SRRM4: variants seen among roughly 807,000 people sequenced by gnomAD.
The protein encoded by SRRM4 is serine/arginine repetitive matrix 4.
SRRM4 carries 33 observed loss-of-function variants against 68.9 expected under a neutral mutation model. The ratio of observed to expected loss-of-function variants is 0.48; its 90% confidence interval spans 0.36 to 0.64. SRRM4 has a LOEUF of 0.64. SRRM4 is among the 30% of genes least tolerant of loss of function. The pLI is 0.00. For missense variants in SRRM4, 817 were observed against 827.1 expected, an observed-to-expected ratio of 0.99 and a Z score of 0.15; for synonymous variants, 318 against 318.8, an observed-to-expected ratio of 1.00 and a Z score of 0.03.
At chr12:119,088,099 A>G (rs4766925) in intron 1 of SRRM4, among the ~76,000 whole-genome samples, 9,379 of 152,260 alleles carry the variant, frequency 0.062, 342 homozygotes, top group East Asian at 0.12. Context: ...GCCTTTGAAC[A>G]TAATTGCTGT....
At chr12:119,132,092 C>T (rs1391213699) in intron 8 of SRRM4, among the ~76,000 whole-genome samples, 1 of 152,204 alleles carries the variant, frequency 6.6e-6, no homozygotes, top group Non-Finnish European at 1.5e-5. Context: ...CTCTGCCTAC[C>T]TGGAACCATC....
At chr12:119,114,447 T>A in intron 3 of SRRM4, 83 bp downstream of exon 3, 1 of 1,154,194 alleles carries the variant, frequency 8.7e-7, no homozygotes, top group South Asian at 1.3e-5. Flanking sequence ...AGTGGCTCCC[T>A]CTTGGGTTCA....
intron 8 of SRRM4, chr12:119,132,449 T>C (rs1436000977): frequency 6.6e-6 from 1 of 152,134 alleles, no homozygotes; most frequent in Non-Finnish European, 1.5e-5. Context: ...GTCATGGTAT[T>C]TGTGGTGGTC....
chr12:119,054,810 G>A (rs1230669329), intron 1 of SRRM4, among the ~76,000 whole-genome samples: 1 of 152,202 alleles, frequency 6.6e-6, no homozygotes, highest in Non-Finnish European at 1.5e-5. Flanking sequence ...GGTGGCAAGA[G>A]TGCTACCAGA....
At chr12:119,132,614 AC>A in intron 8 of SRRM4, among the ~76,000 whole-genome samples, 1 of 152,324 alleles carries the variant, frequency 6.6e-6, no homozygotes, top group African/African-American at 2.4e-5. Flanking sequence ...TGGGGAGGTT[AC>A]CAGATTGGCT....
chr12:119,130,853 C>T lies in SRRM4; in HGVS notation c.771+19C>T. 1.3e-6 allele frequency: 2 copies of T among 1,597,932 alleles called. No individual in the cohort carries two copies. Among genetic ancestry groups the T allele is most frequent in the Non-Finnish European group, 8.5e-7 (1 of 1,177,922 alleles). On this transcript the variant is annotated intron_variant, in intron 8 of 12. Coordinates refer to ENST00000267260, the MANE Select transcript of SRRM4 (RefSeq NM_194286.4). ...GGGTGTAGTAAGTATTCTTCACAGC[C>T]TCCTCTGCCAGCCTTGGCCACGACA...
At chr12:119,128,241 C>T (rs1049810989) in intron 7 of SRRM4, among the ~76,000 whole-genome samples, 13 of 152,232 alleles carry the variant, frequency 8.5e-5, no homozygotes, top group African/African-American at 1.9e-4. Flanking sequence ...ATGAGAACAC[C>T]GCAAAACACA....
At position 119,156,660 on chromosome 12, in the gene SRRM4, GAGC is replaced by G; in HGVS notation, c.1705_1707del (p.Ser572del). Reference sequence around the variant, plus strand: ...GCCGGAGACGGAGCCGGACCCGCACGAGCAGCAGCTCTAGCTCCCGCAGCCCTA... The same window carrying G: ...GCCGGAGACGGAGCCGGACCCGCACGAGCAGCTCTAGCTCCCGCAGCCCTA... On this transcript the variant is annotated inframe_deletion, in exon 13 of 13. Coordinates refer to ENST00000267260, the MANE Select transcript of SRRM4 (RefSeq NM_194286.4). 1 of 1,572,874 alleles carries G rather than the reference GAGC, an allele frequency of 6.4e-7. No homozygotes were observed. Among genetic ancestry groups the G allele is most frequent in the Non-Finnish European group, 8.6e-7 (1 of 1,161,130 alleles).
rs1565922922 is a variant in SRRM4 at position 119,161,436 on chromosome 12, T to C, written c.*4638T>C. On this transcript the variant is annotated 3_prime_UTR_variant, in exon 13 of 13. Coordinates refer to ENST00000267260, the MANE Select transcript of SRRM4 (RefSeq NM_194286.4). ...CAATGATACTGACAGAAATGTCATCTCTCTTCTATCTGTGGTTGCTGTTTT... is the reference window on the plus strand; with the variant it reads ...CAATGATACTGACAGAAATGTCATCCCTCTTCTATCTGTGGTTGCTGTTTT... The C allele has an allele frequency of 1.3e-5, 2 of 152,244 alleles. No homozygotes were observed. The highest frequency in any genetic ancestry group is 2.9e-5 in the Non-Finnish European group (2 of 68,058). 9.4% of individuals were successfully genotyped at this position (152,244 alleles called of 1,614,324 possible).
At chr12:119,016,002 G>T (rs1314919654) in intron 1 of SRRM4, among the ~76,000 whole-genome samples, 1 of 151,942 alleles carries the variant, frequency 6.6e-6, no homozygotes, top group Non-Finnish European at 1.5e-5. Context: ...GATGTCATTA[G>T]TTAAGATGAG....
chr12:119,030,542 T>C (rs1023687302), intron 1 of SRRM4, among the ~76,000 whole-genome samples: 5 of 152,150 alleles, frequency 3.3e-5, no homozygotes, highest in Non-Finnish European at 7.3e-5. Context: ...AAAAAGAATA[T>C]AAAAATCACC....
At chr12:119,014,968 G>A (rs1953472180) in intron 1 of SRRM4, among the ~76,000 whole-genome samples, 1 of 152,190 alleles carries the variant, frequency 6.6e-6, no homozygotes, top group African/African-American at 2.4e-5. Flanking sequence ...CAGCATTGCT[G>A]TAATTGTGAG....
chr12:119,059,209 G>A (rs1479585231), intron 1 of SRRM4, among the ~76,000 whole-genome samples: 1 of 151,850 alleles, frequency 6.6e-6, no homozygotes, highest in African/African-American at 2.4e-5. Context: ...CTTTCTACTT[G>A]ACATTCAACC....
chr12:119,087,585 GT>G (rs11307539), intron 1 of SRRM4, among the ~76,000 whole-genome samples: 5,888 of 152,232 alleles, frequency 0.039, 198 homozygotes, highest in East Asian at 0.12. Context: ...TCGATGGGGT[GT>G]TTTTTTAGCT....
chr12:119,079,356 G>T (rs1461428130), intron 1 of SRRM4, among the ~76,000 whole-genome samples: 1 of 152,156 alleles, frequency 6.6e-6, no homozygotes, highest in Non-Finnish European at 1.5e-5. Flanking sequence ...TCATGAAAGT[G>T]ACTCAGTGAG....
intron 1 of SRRM4, among the ~76,000 whole-genome samples, chr12:119,030,700 T>C (rs1368703380): frequency 6.6e-6 from 1 of 152,228 alleles, no homozygotes; most frequent in East Asian, 1.9e-4. Context: ...CTTAACAATA[T>C]ATCATGAAAT....
At chr12:119,132,262 T>A (rs1234161226) in intron 8 of SRRM4, 4 of 152,214 alleles carry the variant, frequency 2.6e-5, no homozygotes, top group African/African-American at 4.8e-5. Flanking sequence ...GAGTCTTGTT[T>A]TGGCTGGACT....
chr12:119,015,983 G>A (rs568552332), intron 1 of SRRM4, among the ~76,000 whole-genome samples: 12 of 152,020 alleles, frequency 7.9e-5, no homozygotes, highest in South Asian at 4.2e-4. Flanking sequence ...TGGAAACTGC[G>A]TCACTGTGGA....
At chr12:119,093,707 C>A (rs2136038039) in intron 1 of SRRM4, among the ~76,000 whole-genome samples, 2 of 152,330 alleles carry the variant, frequency 1.3e-5, no homozygotes, top group Middle Eastern at 6.8e-3. Flanking sequence ...AGGTCCCATG[C>A]ATTTTTCCCA....
Sources: gnomAD v4.1 joint callset for allele counts (sites outside exome capture counted in the v4.1 genomes callset) on GRCh38, gnomAD v4.1.1 for gene constraint, MANE v1.5 for transcripts, NCBI Gene and HGNC (gene_info 2026-07-23, HGNC 2026-07-21) for gene names.